PTPDC1: variants seen among roughly 807,000 people sequenced by gnomAD.
PTPDC1 encodes the protein protein tyrosine phosphatase domain-containing protein 1.
Under a neutral mutation model 75.3 loss-of-function variants are expected in PTPDC1, and 53 were observed. The ratio of observed to expected loss-of-function variants is 0.70; its 90% CI spans 0.56 to 0.88. PTPDC1 has a LOEUF of 0.88. Ranked by LOEUF, PTPDC1 falls within the 40% of genes least tolerant of loss-of-function variation. PTPDC1 has a pLI of 0.00. For synonymous variants in PTPDC1, 349 were observed against 366.2 expected, an observed-to-expected ratio of 0.95 and a Z score of 0.54; for missense variants, 925 against 998.6, an observed-to-expected ratio of 0.93 and a Z score of 0.99.
At chr9:94,068,471 T>A (rs1200778079) in intron 2 of PTPDC1, among the ~76,000 whole-genome samples, 1 of 152,142 alleles carries the variant, frequency 6.6e-6, no homozygotes, top group Non-Finnish European at 1.5e-5. Flanking sequence ...AGATTATGCA[T>A]TTTTGGTAGA....
chr9:94,072,011 T>C (rs1207807459), intron 2 of PTPDC1, among the ~76,000 whole-genome samples: 2 of 152,184 alleles, frequency 1.3e-5, no homozygotes. Flanking sequence ...GTGGTTTTTT[T>C]GTTTGTTTGT....
intron 2 of PTPDC1, among the ~76,000 whole-genome samples, chr9:94,074,741 CT>C (rs2117921509): frequency 6.6e-6 from 1 of 152,326 alleles, no homozygotes; most frequent in Non-Finnish European, 1.5e-5. Flanking sequence ...TGAAGCTCCC[CT>C]GTTGCTTGGG....
chr9:94,069,872 T>G (rs2117898055), intron 2 of PTPDC1, among the ~76,000 whole-genome samples: 1 of 147,286 alleles, frequency 6.8e-6, no homozygotes, highest in East Asian at 2.0e-4. Context: ...TCGCCCAGGC[T>G]GGAGTGCAGT....
chr9:94,095,406 C>G lies in PTPDC1; in HGVS notation c.706C>G (p.Gln236Glu). The change falls in exon 5 of 9, where the codon CAG (glutamine) becomes GAG (glutamate). Residue 236 changes from glutamine to glutamate, a missense_variant. Coordinates refer to ENST00000620992, the MANE Select transcript of PTPDC1 (RefSeq NM_001253829.2). The stretch of plus-strand genomic sequence containing the variant: ...GGTGAAGGTGATGACATTTGCCTTA[C>G]AGGAAGGAAAAGTAGCTATCCATTG... ...DMVKVMTFAL[Q>E]EGKVAIHCHA... is the part of the protein sequence containing the mutation. 6.2e-7 allele frequency: 1 copy of G among 1,613,576 alleles called. No individual in the cohort carries two copies. The highest frequency in any genetic ancestry group is 8.5e-7 in the Non-Finnish European group (1 of 1,179,630).
At chr9:94,044,808 C>T (rs1053425939) in intron 1 of PTPDC1, among the ~76,000 whole-genome samples, 1 of 151,418 alleles carries the variant, frequency 6.6e-6, no homozygotes, top group East Asian at 1.9e-4. Flanking sequence ...CATCTTGCCT[C>T]GTTCCTGATT....
chr9:94,034,937 C>T lies in PTPDC1; in HGVS notation c.-7+3810C>T, dbSNP rs1036720885. ...GCTAATTAATATATTCATCACCTCA[C>T]GTACTTATTTTTTGTGATGAGAACA... On this transcript the variant is annotated intron_variant, in intron 1 of 9. Transcript: ENST00000375360. Among the ~76,000 whole-genome samples, 3 of 152,030 alleles carry T rather than the reference C, an allele frequency of 2.0e-5. No individual in the cohort carries two copies. In the East Asian group the frequency reaches 5.8e-4, roughly 29 times the overall value.
chr9:94,082,466 A>G (rs1048204281), upstream of PTPDC1, among the ~76,000 whole-genome samples: 1 of 152,170 alleles, frequency 6.6e-6, no homozygotes, highest in Non-Finnish European at 1.5e-5. Context: ...AAGACTCAGT[A>G]CTCACTGGTA....
intron 2 of PTPDC1, among the ~76,000 whole-genome samples, chr9:94,066,259 A>G (rs546291534): frequency 6.6e-6 from 1 of 152,304 alleles, no homozygotes; most frequent in Non-Finnish European, 1.5e-5. Context: ...TTTAATTAAA[A>G]TTTTCCTCTT....
At position 94,067,780 on chromosome 9, in the gene PTPDC1, T is replaced by G. The variant is rs545496378; in HGVS notation, c.82+2959T>G. On this transcript the variant is annotated intron_variant, in intron 2 of 9. Coordinates refer to the PTPDC1 transcript ENST00000375360. ...CCATGCCTGGCTAATTTTTGTTTTCTTAGTAGAGACAGGGTTTAGCCATAT... is the reference window on the plus strand; with the variant it reads ...CCATGCCTGGCTAATTTTTGTTTTCGTAGTAGAGACAGGGTTTAGCCATAT... Among the ~76,000 whole-genome samples, 868 of 152,278 alleles carry G rather than the reference T, an allele frequency of 5.7e-3. 3 individuals are homozygous for G. The highest frequency in any genetic ancestry group is 7.0e-3 in the Non-Finnish European group (478 of 68,022).
chr9:94,039,918 AAAT>A (rs1180867487), intron 1 of PTPDC1, among the ~76,000 whole-genome samples: 2 of 152,176 alleles, frequency 1.3e-5, no homozygotes, highest in Non-Finnish European at 2.9e-5. Context: ...CCCTTGTTAA[AAAT>A]CAAATTTTGA....
Position 94,085,346 on chromosome 9 carries a change from G to A in PTPDC1, c.340G>A (p.Gly114Ser), listed in dbSNP as rs775910138. The A allele has an allele frequency of 2.2e-5, 35 of 1,614,092 alleles. No homozygotes were observed. The highest frequency in any genetic ancestry group is 6.6e-5 in the South Asian group (6 of 91,088). The change falls in exon 2 of 9, where the codon GGT (glycine) becomes AGT (serine). Residue 114 changes from glycine to serine, a missense_variant. By Grantham distance (56) the Gly-to-Ser change is moderately conservative. Coordinates refer to ENST00000620992, the MANE Select transcript of PTPDC1 (RefSeq NM_001253829.2). ...CATGGCATGTTCCATGGCGTGTGGC[G>A]GTAGAGCTTGCAAGTATGAGAACCC... ...GHMACSMACG[G>S]RACKYENPAR...
chr9:94,036,023 G>GTTTTTTTTTTTTTTTTTTTT (rs200873026), intron 1 of PTPDC1, among the ~76,000 whole-genome samples: 2 of 85,580 alleles, frequency 2.3e-5, no homozygotes, highest in Non-Finnish European at 2.3e-5. Flanking sequence ...CGGATTATTT[G>GTTTTTTTTTTTTTTTTTTTT]TTTTTTTTTT....
intron 1 of PTPDC1, among the ~76,000 whole-genome samples, chr9:94,034,463 C>T (rs374632099): frequency 5.3e-5 from 8 of 152,026 alleles, no homozygotes; most frequent in African/African-American, 1.5e-4. Context: ...ACCTGGGAGA[C>T]GGAGGTTGCA....
At chr9:94,086,297 CAT>C (rs1298372897) in intron 2 of PTPDC1, among the ~76,000 whole-genome samples, 2 of 152,174 alleles carry the variant, frequency 1.3e-5, no homozygotes, top group Admixed American at 1.3e-4. Flanking sequence ...AGGAAACATT[CAT>C]AGTCAGACAA....
At chr9:94,086,611 A>T (rs934009159) in intron 2 of PTPDC1, among the ~76,000 whole-genome samples, 5 of 152,202 alleles carry the variant, frequency 3.3e-5, no homozygotes, top group Admixed American at 3.3e-4. Flanking sequence ...GAGAAATTTG[A>T]ACAGAACAGA....
chr9:94,066,643 C>T (rs749563514), intron 2 of PTPDC1, among the ~76,000 whole-genome samples: 14 of 151,962 alleles, frequency 9.2e-5, no homozygotes, highest in Non-Finnish European at 1.6e-4. Context: ...CTGCAGCCTC[C>T]GCCTCTCAGG....
At chr9:94,056,142 T>G (rs183736401) in intron 1 of PTPDC1, among the ~76,000 whole-genome samples, 3 of 152,294 alleles carry the variant, frequency 2.0e-5, no homozygotes, top group Non-Finnish European at 4.4e-5. Flanking sequence ...GGAATACTAG[T>G]GGTACTCAGT....
intron 1 of PTPDC1, among the ~76,000 whole-genome samples, chr9:94,037,343 T>G (rs1406604672): frequency 6.6e-6 from 1 of 152,222 alleles, no homozygotes; most frequent in Non-Finnish European, 1.5e-5. Flanking sequence ...TAACATTGTT[T>G]TCTTCTCAAA....
At position 94,084,685 on chromosome 9, in the gene PTPDC1, T is replaced by C. The variant is rs770447285; in HGVS notation, c.155T>C (p.Leu52Pro). 1 of 1,613,756 alleles carries C rather than the reference T, an allele frequency of 6.2e-7. No homozygotes were observed. The highest frequency in any genetic ancestry group is 8.5e-7 in the Non-Finnish European group (1 of 1,179,874). The change falls in exon 1 of 9, where the codon CTG becomes CCG. Residue 52 changes from leucine (L) to proline (P), a missense_variant. By Grantham distance (98) the Leu-to-Pro change is moderately conservative. Coordinates refer to ENST00000620992, the MANE Select transcript of PTPDC1 (RefSeq NM_001253829.2). The stretch of plus-strand genomic sequence containing the variant: ...GGCTCCGGCTCTGCCACGAAGCTGC[T>C]GTCCTCGTCCTCTCTCCAGGTGATG... ...GLGSGSATKL[L>P]SSSSLQVMVA...
Sources: gnomAD v4.1 joint callset for allele counts (sites outside exome capture counted in the v4.1 genomes callset) on GRCh38, gnomAD v4.1.1 for gene constraint, MANE v1.5 for transcripts, NCBI Gene and HGNC (gene_info 2026-07-23, HGNC 2026-07-21) for gene names.